The following OCRL variants were observed in gnomAD, a reference collection of about 807,000 sequenced individuals.
OCRL encodes the protein inositol polyphosphate 5-phosphatase OCRL.
OCRL carries 8 observed loss-of-function variants against 78.9 expected under a neutral mutation model. That is an observed-to-expected ratio of 0.10 (90% confidence interval 0.06 to 0.18). The LOEUF is 0.18. Ranked by LOEUF, OCRL falls within the 10% of genes least tolerant of loss-of-function variation. The pLI is 1.00. For synonymous variants in OCRL, 240 were observed against 235.4 expected, an observed-to-expected ratio of 1.02 and a Z score of -0.18; for missense variants, 454 against 696.7, an observed-to-expected ratio of 0.65 and a Z score of 3.92.
intron 1 of OCRL, 104 bp from the exon 2 acceptor site, chrX:129,540,640 G>A (rs1221557815): frequency 3.1e-5 from 21 of 680,679 alleles, no homozygotes; most frequent in Non-Finnish European, 2.2e-6. Context: ...GGGCGGGGCG[G>A]GGGAGGGCGG....
intron 14 of OCRL, among the ~76,000 whole-genome samples, chrX:129,568,391 A>G (rs191333047): frequency 2.8e-3 from 309 of 110,739 alleles, no homozygotes; most frequent in African/African-American, 9.6e-3. Context: ...CTTGAAAGAG[A>G]AAGAATCCCC....
At chrX:129,564,112 A>G (rs1281546628) in intron 12 of OCRL, among the ~76,000 whole-genome samples, 2 of 111,119 alleles carry the variant, frequency 1.8e-5, no homozygotes, top group Non-Finnish European at 3.8e-5. Flanking sequence ...CAAAAAACAC[A>G]TGAAAAAATG....
At chrX:129,580,275 G>GCGA (rs1433411749) in intron 18 of OCRL, among the ~76,000 whole-genome samples, 1 of 112,220 alleles carries the variant, frequency 8.9e-6, no homozygotes, top group African/African-American at 3.2e-5. Flanking sequence ...GCTCTTCCAG[G>GCGA]CTTAGAGGAC....
chrX:129,559,082 C>A, intron 8 of OCRL, 81 bp downstream of exon 8: 1 of 899,567 alleles, frequency 1.1e-6, no homozygotes, highest in Non-Finnish European at 1.6e-6. Context: ...AAGACATTAG[C>A]CTAATTAAGA....
At chrX:129,565,738 G>T (rs201457705) in intron 12 of OCRL, 34 bp from the exon 13 acceptor site, 90 of 1,051,958 alleles carry the variant, frequency 8.6e-5, no homozygotes, top group Non-Finnish European at 8.0e-6. Flanking sequence ...TATGCTAATC[G>T]CTACTTCTGT....
chrX:129,591,638 G>C lies in OCRL; in HGVS notation c.*1368G>C, dbSNP rs1247963003. The C allele has an allele frequency of 9.0e-6, 1 of 110,673 alleles. No homozygotes were observed. The highest frequency in any genetic ancestry group is 1.9e-5 in the Non-Finnish European group (1 of 52,867). The allele number at this position is 110,673 out of a possible 1,213,427, so 9.1% of individuals were successfully genotyped here. A position where few individuals can be genotyped will look rare whatever the true frequency, so the allele number is the denominator to read the frequency against. On this transcript the variant is annotated 3_prime_UTR_variant, in exon 24 of 24. Coordinates refer to ENST00000371113, the MANE Select transcript of OCRL (RefSeq NM_000276.4). Reference sequence around the variant, plus strand: ...TTACATTAATTGCAAGGAGCATAACGTACAGGCTGTATGTACAATCCTGGG... The same window carrying C: ...TTACATTAATTGCAAGGAGCATAACCTACAGGCTGTATGTACAATCCTGGG...
At chrX:129,589,597 G>A (rs1038540283) in intron 22 of OCRL, 17 of 406,115 alleles carry the variant, frequency 4.2e-5, no homozygotes, top group Non-Finnish European at 6.1e-5. Flanking sequence ...CAGGGTGTGC[G>A]TATGAATGTG....
At chrX:129,546,735 C>G (rs1049949307) in intron 3 of OCRL, among the ~76,000 whole-genome samples, 1 of 111,713 alleles carries the variant, frequency 9.0e-6, no homozygotes, top group African/African-American at 3.3e-5. Flanking sequence ...TTTACTCTAC[C>G]TCTAGGATCT....
chrX:129,584,256 T>C (rs1936481683), intron 18 of OCRL, 88 bp from the exon 19 acceptor site: 2 of 827,880 alleles, frequency 2.4e-6, no homozygotes, highest in Non-Finnish European at 1.8e-6. Flanking sequence ...AGATAGTGAG[T>C]TCTAATACTG....
intron 18 of OCRL, among the ~76,000 whole-genome samples, chrX:129,581,074 A>C (rs1936433025): frequency 8.9e-6 from 1 of 112,237 alleles, no homozygotes; most frequent in Non-Finnish European, 1.9e-5. Context: ...TGTGTTGGCC[A>C]GGCTGGTCTT....
intron 18 of OCRL, 131 bp downstream of exon 18, chrX:129,576,683 T>C: frequency 5.6e-6 from 3 of 533,230 alleles, no homozygotes; most frequent in Non-Finnish European, 9.7e-6. Flanking sequence ...AGAAGAATGT[T>C]ACTTTAGCAC....
chrX:129,573,831 A>G (rs1936334459), intron 15 of OCRL, among the ~76,000 whole-genome samples: 1 of 111,967 alleles, frequency 8.9e-6, no homozygotes, highest in Admixed American at 9.4e-5. Flanking sequence ...CAGTGCTAGG[A>G]TTACAGGTGT....
chrX:129,564,743 G>T, intron 12 of OCRL, among the ~76,000 whole-genome samples: 1 of 109,903 alleles, frequency 9.1e-6, no homozygotes, highest in East Asian at 2.9e-4. Context: ...AGCGGGGAGG[G>T]ATAGCTTTAG....
Position 129,590,253 on chromosome X carries a change from G to A in OCRL, c.2689G>A (p.Gly897Arg). The change falls in exon 24 of 24, where the codon GGG becomes AGG. Residue 897 changes from glycine to arginine, a missense_variant. Gly to Arg is a moderately radical substitution (Grantham distance 125). This residue lies in a region of OCRL where 277 missense variants were observed against 517.1 expected (regional missense o/e 0.54). Coordinates refer to ENST00000371113, the MANE Select transcript of OCRL (RefSeq NM_000276.4). ...TCAGTTCCTTCTGGGCTTTCTGCTT[G>A]GGAGCGAAGAAGACTAAGGCTTTTA... is the stretch of plus-strand genomic sequence containing the variant. ...AIQFLLGFLLGSEED is the reference protein window; with the variant it reads ...AIQFLLGFLLRSEED 1 of 1,211,204 alleles carries A rather than the reference G, an allele frequency of 8.3e-7. No homozygotes were observed. Among genetic ancestry groups the A allele is most frequent in the Non-Finnish European group, 1.1e-6 (1 of 895,317 alleles).
In OCRL at chrX:129,540,458, G is replaced by T. The variant is rs1935772672; in HGVS notation, c.19G>T (p.Val7Phe). ...CGCCTGGATGGAGCCGCCGCTCCCG[G>T]TCGGAGCCCAGCCGCTTGCCGTATC... MEPPLP[V>F]GAQPLATVEG... is the part of the protein sequence containing the mutation. The change falls in exon 1 of 24, where the codon GTC becomes TTC. Residue 7 changes from valine to phenylalanine, a missense_variant. Val to Phe is a conservative substitution (Grantham distance 50). This residue lies in a region of OCRL where 177 missense variants were observed against 179.6 expected (regional missense o/e 0.99). Transcript: ENST00000371113. The T allele has an allele frequency of 1.7e-6, 2 of 1,155,859 alleles. No individual in the cohort carries two copies. The highest frequency in any genetic ancestry group is 1.8e-5 in the African/African-American group (1 of 55,686).
At chrX:129,577,366 A>G (rs1234750945) in intron 18 of OCRL, among the ~76,000 whole-genome samples, 4 of 112,704 alleles carry the variant, frequency 3.5e-5, no homozygotes, top group African/African-American at 1.3e-4. Context: ...CTTCAGTAAC[A>G]TAAGTTGATT....
chrX:129,557,149 C>T (rs910326577), intron 4 of OCRL, among the ~76,000 whole-genome samples, 176 bp from the exon 5 acceptor site: 1 of 110,985 alleles, frequency 9.0e-6, no homozygotes, highest in Admixed American at 9.6e-5. Context: ...CTCTGCATCA[C>T]CCCTTCCACC....
At chrX:129,550,618 CCTT>C (rs1279027200) in intron 4 of OCRL, among the ~76,000 whole-genome samples, 1 of 110,810 alleles carries the variant, frequency 9.0e-6, no homozygotes, top group Non-Finnish European at 1.9e-5. Flanking sequence ...TTTTCTATGT[CCTT>C]CTAATTGTTT....
chrX:129,582,877 C>G (rs907334725), intron 18 of OCRL, among the ~76,000 whole-genome samples: 1 of 111,666 alleles, frequency 9.0e-6, no homozygotes, highest in African/African-American at 3.3e-5. Flanking sequence ...TTCCTCCTCC[C>G]TCTCCACTCC....
Sources: gnomAD v4.1 joint callset for allele counts (sites outside exome capture counted in the v4.1 genomes callset) on GRCh38, gnomAD v4.1.1 for gene constraint, gnomAD v4.1.1 regional missense constraint, MANE v1.5 for transcripts, NCBI Gene and HGNC (gene_info 2026-07-23, HGNC 2026-07-21) for gene names.